The following NUP210L variants were observed in gnomAD, a reference collection of about 807,000 sequenced individuals.
NUP210L encodes the protein nuclear pore membrane glycoprotein 210-like.
A neutral mutation model predicts 208.5 loss-of-function variants in NUP210L; 74 were observed. That is an observed-to-expected ratio of 0.35 (90% CI 0.29 to 0.43). The LOEUF is 0.43. Ranked by LOEUF, NUP210L falls within the 20% of genes least tolerant of loss-of-function variation. The probability of loss-of-function intolerance (pLI) is 1.00; values close to 1 mark genes in which losing one functional copy is unlikely to be tolerated. For synonymous variants in NUP210L, 780 were observed against 816.9 expected (o/e 0.95, Z 0.77); for missense variants, 1,843 against 2,289.4 (o/e 0.81, Z 3.98).
intron 37 of NUP210L, among the ~76,000 whole-genome samples, chr1:153,998,528 T>TG (rs1650026363): frequency 7.3e-6 from 1 of 137,188 alleles, no homozygotes; most frequent in Non-Finnish European, 1.5e-5. Flanking sequence ...CACTCCAGAC[T>TG]GGGCGACAGA....
intron 27 of NUP210L, among the ~76,000 whole-genome samples, chr1:154,042,161 G>A (rs1652922123): frequency 6.6e-6 from 1 of 151,334 alleles, no homozygotes; most frequent in South Asian, 2.1e-4. Context: ...GTGGAGTGGT[G>A]CGATCACAGC....
At chr1:154,094,986 T>C (rs1656112461) in exon 15 of NUP210L, 3 of 1,614,034 alleles carry the variant, frequency 1.9e-6, no homozygotes, top group Non-Finnish European at 2.5e-6. Flanking sequence ...GGTTCTGTTT[T>C]CTCTTAGATG....
intron 12 of NUP210L, among the ~76,000 whole-genome samples, chr1:154,113,271 A>G (rs1020664392): frequency 6.7e-6 from 1 of 149,620 alleles, no homozygotes. Flanking sequence ...ATATATATAT[A>G]TATGTTATTT....
chr1:154,082,870 A>G (rs561610097), intron 16 of NUP210L, among the ~76,000 whole-genome samples: 15 of 151,718 alleles, frequency 9.9e-5, no homozygotes, highest in African/African-American at 3.4e-4. Flanking sequence ...CAGTGGGTTC[A>G]TCATCTCGCT....
chr1:154,001,767 G>A (rs1375966318), exon 36 of NUP210L: 4 of 1,613,946 alleles, frequency 2.5e-6, no homozygotes, highest in East Asian at 2.2e-5. Flanking sequence ...TCCACTCCCA[G>A]TACTCTTATC....
At chr1:154,055,185 TTCTTTTTC>T (rs1249042406) in intron 23 of NUP210L, among the ~76,000 whole-genome samples, 9 of 145,270 alleles carry the variant, frequency 6.2e-5, no homozygotes, top group East Asian at 2.0e-4. Flanking sequence ...CTTTCTTTCT[TTCTTTTTC>T]TTTCTTTCTT....
chr1:154,022,521 C>T (rs566262652), intron 31 of NUP210L, among the ~76,000 whole-genome samples, 178 bp from the exon 32 acceptor site: 1 of 151,786 alleles, frequency 6.6e-6, no homozygotes, highest in Non-Finnish European at 1.5e-5. Flanking sequence ...ACGTATAGTT[C>T]CCAGGAAGGC....
At chr1:154,071,953 A>G (rs908135513) in intron 16 of NUP210L, among the ~76,000 whole-genome samples, 53 of 150,896 alleles carry the variant, frequency 3.5e-4, no homozygotes, top group Non-Finnish European at 6.3e-4. Flanking sequence ...ATTCCTTTAT[A>G]TGGCTGAGTA....
At chr1:154,082,755 T>C (rs1316853449) in intron 16 of NUP210L, among the ~76,000 whole-genome samples, 2 of 152,176 alleles carry the variant, frequency 1.3e-5, no homozygotes, top group Non-Finnish European at 2.9e-5. Context: ...GTTTCTTCCT[T>C]CTGGTGGGTT....
intron 27 of NUP210L, among the ~76,000 whole-genome samples, chr1:154,038,636 T>C (rs1652695865): frequency 6.6e-6 from 1 of 152,168 alleles, no homozygotes; most frequent in Non-Finnish European, 1.5e-5. Flanking sequence ...TAAGCCACCA[T>C]GCCCAGCAGA....
intron 2 of NUP210L, among the ~76,000 whole-genome samples, chr1:154,146,864 C>T (rs1209148347): frequency 3.3e-5 from 5 of 152,128 alleles, no homozygotes; most frequent in Non-Finnish European, 7.4e-5. Context: ...CACTCTGTCA[C>T]CGAGGCTGGA....
chr1:154,139,766 CAAGT>C (rs1658740718), intron 5 of NUP210L, 32 bp downstream of exon 5: 10 of 1,561,456 alleles, frequency 6.4e-6, no homozygotes, highest in Non-Finnish European at 8.7e-6. Context: ...CTTGAAAAAA[CAAGT>C]AAGGAAAATT....
At chr1:154,064,811 A>G (rs1458912570) in intron 17 of NUP210L, among the ~76,000 whole-genome samples, 1 of 152,224 alleles carries the variant, frequency 6.6e-6, no homozygotes, top group Non-Finnish European at 1.5e-5. Flanking sequence ...GTGGTGGCTC[A>G]TGCCTGTAAT....
At chr1:154,028,910 C>T (rs1239780519) in intron 28 of NUP210L, among the ~76,000 whole-genome samples, 6 of 151,736 alleles carry the variant, frequency 4.0e-5, no homozygotes, top group Non-Finnish European at 8.8e-5. Flanking sequence ...GCCTGGACAA[C>T]GTGGCGAAAC....
At chr1:154,111,779 T>A (rs1657049294) in intron 12 of NUP210L, among the ~76,000 whole-genome samples, 1 of 151,536 alleles carries the variant, frequency 6.6e-6, no homozygotes, top group Admixed American at 6.6e-5. Flanking sequence ...CCAAACTTAT[T>A]CTATGTGGCC....
At chr1:154,105,818 A>G (rs1656727532) in intron 12 of NUP210L, among the ~76,000 whole-genome samples, 1 of 152,250 alleles carries the variant, frequency 6.6e-6, no homozygotes, top group South Asian at 2.1e-4. Flanking sequence ...CTGAAGGGAG[A>G]GACCCAGGCC....
exon 17 of NUP210L, chr1:154,070,321 C>G: frequency 6.2e-7 from 1 of 1,612,032 alleles, no homozygotes; most frequent in South Asian, 1.1e-5. Context: ...ACCATTTCCA[C>G]TGATTTATAA....
intron 12 of NUP210L, among the ~76,000 whole-genome samples, chr1:154,108,234 T>C (rs1276851538): frequency 6.6e-6 from 1 of 152,060 alleles, no homozygotes; most frequent in African/African-American, 2.4e-5. Context: ...CTCAGCTCAC[T>C]GCAACCTCGA....
At chr1:154,023,827 C>T (rs941587928) in intron 30 of NUP210L, among the ~76,000 whole-genome samples, 9 of 148,128 alleles carry the variant, frequency 6.1e-5, no homozygotes, top group African/African-American at 7.5e-5. Context: ...TTTGCTGTCT[C>T]GCCCAGGCTG....
Sources: allele counts gnomAD v4.1 joint callset (sites outside exome capture counted in the v4.1 genomes callset), GRCh38; gene constraint gnomAD v4.1.1; transcripts MANE v1.5; gene names NCBI Gene and HGNC (gene_info 2026-07-23, HGNC 2026-07-21).